LRBA: variants seen among roughly 807,000 people sequenced by gnomAD.
The protein encoded by LRBA is LPS responsive beige-like anchor protein, also known as lipopolysaccharide-responsive and beige-like anchor protein.
In LRBA, 176 loss-of-function variants were observed where a neutral mutation model predicts 330.0. The ratio of observed to expected loss-of-function variants is 0.53; its 90% confidence interval spans 0.47 to 0.60. The LOEUF (loss-of-function observed/expected upper bound fraction) is 0.60. LRBA is among the 20% of genes least tolerant of loss of function. The pLI, the probability that LRBA is intolerant of heterozygous loss-of-function variation, is 0.00. For synonymous variants in LRBA, 1,230 were observed against 1,193.0 expected (o/e 1.03, Z -0.64); for missense variants, 3,259 against 3,444.8 (o/e 0.95, Z 1.35).
chr4:150,302,911 T>C, intron 52 of LRBA, 119 bp from the exon 53 acceptor site: 1 of 667,656 alleles, frequency 1.5e-6, no homozygotes. Context: ...TCAGATTTTA[T>C]AATAATTTGA....
chr4:150,305,845 A>G (rs888683488), intron 52 of LRBA, among the ~76,000 whole-genome samples: 1 of 152,196 alleles, frequency 6.6e-6, no homozygotes, highest in African/African-American at 2.4e-5. Context: ...TGTTATTGCT[A>G]TAAGGTTGAG....
intron 44 of LRBA, among the ~76,000 whole-genome samples, chr4:150,444,725 A>G (rs1752367187): frequency 6.6e-6 from 1 of 152,224 alleles, no homozygotes; most frequent in Non-Finnish European, 1.5e-5. Context: ...TACAAGTGGC[A>G]TTAAATATAT....
At chr4:150,843,108 T>TTAGCTG (rs1401588714) in intron 28 of LRBA, among the ~76,000 whole-genome samples, 1 of 152,172 alleles carries the variant, frequency 6.6e-6, no homozygotes, top group Admixed American at 6.5e-5. Context: ...TTTGCTCACC[T>TTAGCTG]CACCTCCTGC....
At chr4:150,309,295 C>T (rs1730758481) in intron 52 of LRBA, among the ~76,000 whole-genome samples, 1 of 151,972 alleles carries the variant, frequency 6.6e-6, no homozygotes, top group African/African-American at 2.4e-5. Flanking sequence ...CAATAGGTGA[C>T]CCCATATAGC....
chr4:150,720,478 T>A (rs1345906855), intron 36 of LRBA, among the ~76,000 whole-genome samples: 1 of 151,876 alleles, frequency 6.6e-6, no homozygotes, highest in Non-Finnish European at 1.5e-5. Flanking sequence ...ATAGACATAA[T>A]AAATAAATTA....
intron 38 of LRBA, among the ~76,000 whole-genome samples, chr4:150,595,042 AAC>A (rs1252912732): frequency 2.6e-5 from 4 of 152,002 alleles, no homozygotes; most frequent in African/African-American, 9.6e-5. Flanking sequence ...CTATTAGAAT[AAC>A]AGAGTGCCTT....
intron 30 of LRBA, among the ~76,000 whole-genome samples, chr4:150,827,105 C>G (rs1384977131): frequency 6.6e-6 from 1 of 152,084 alleles, no homozygotes; most frequent in African/African-American, 2.4e-5. Flanking sequence ...GAAGGATCAA[C>G]AGAGGGAAAA....
At chr4:150,874,126 G>A (rs1753746207) in intron 17 of LRBA, among the ~76,000 whole-genome samples, 1 of 152,044 alleles carries the variant, frequency 6.6e-6, no homozygotes, top group Non-Finnish European at 1.5e-5. Flanking sequence ...CCCCAAAGAT[G>A]GCAGATTTGA....
chr4:150,268,061 A>C (rs1044922411), intron 56 of LRBA, among the ~76,000 whole-genome samples: 2 of 80,848 alleles, frequency 2.5e-5, no homozygotes, highest in African/African-American at 9.0e-5. Context: ...CTCCATCTCA[A>C]AAAAAAAAAA....
At chr4:150,741,284 T>C (rs1223201293) in intron 35 of LRBA, among the ~76,000 whole-genome samples, 1 of 152,118 alleles carries the variant, frequency 6.6e-6, no homozygotes, top group Non-Finnish European at 1.5e-5. Context: ...GGAACTGCTA[T>C]CTTAAATATA....
At chr4:150,977,563 G>C (rs571282423) in intron 2 of LRBA, among the ~76,000 whole-genome samples, 3 of 152,062 alleles carry the variant, frequency 2.0e-5, no homozygotes, top group Admixed American at 2.0e-4. Flanking sequence ...GAATCACCTC[G>C]GACACAGTGG....
At chr4:150,767,542 G>A (rs113084952) in intron 34 of LRBA, among the ~76,000 whole-genome samples, 3,835 of 152,008 alleles carry the variant, frequency 0.025, 133 homozygotes, top group African/African-American at 0.083. Flanking sequence ...GGCAGATCAC[G>A]AGGTCAGGAG....
At position 150,277,912 on chromosome 4, in the gene LRBA, G is replaced by C; in HGVS notation, c.8409C>G (p.Leu2803=). The change falls in exon 56 of 57, where the codon CTC becomes CTG. Residue 2803 remains leucine, a synonymous_variant. Transcript: ENST00000651943. ...CAGCGTCACATCCTGGATAGGCAAA[G>C]AGCTGCTTGAGGTCCGACACCTGCC... is the stretch of plus-strand genomic sequence containing the variant. The part of the protein sequence containing the change: ...VVRQVSDLKQ[L]FAYPGCDAGI... The C allele has an allele frequency of 1.2e-6, 2 of 1,614,136 alleles. No individual in the cohort carries two copies. The highest frequency in any genetic ancestry group is 1.7e-6 in the Non-Finnish European group (2 of 1,180,020).
intron 37 of LRBA, among the ~76,000 whole-genome samples, chr4:150,633,498 C>T (rs905027135): frequency 6.6e-6 from 1 of 152,114 alleles, no homozygotes; most frequent in African/African-American, 2.4e-5. Context: ...CAGTCAAAAC[C>T]AAATTAATGA....
intron 40 of LRBA, among the ~76,000 whole-genome samples, chr4:150,513,995 T>G (rs1172952672): frequency 2.0e-5 from 3 of 152,218 alleles, no homozygotes; most frequent in African/African-American, 4.8e-5. Context: ...CTATGTCTTC[T>G]GCCAACATCT....
chr4:150,876,555 T>C (rs1282405102), intron 17 of LRBA, among the ~76,000 whole-genome samples: 1 of 152,212 alleles, frequency 6.6e-6, no homozygotes, highest in Non-Finnish European at 1.5e-5. Context: ...TGAGGGCTTA[T>C]TTTCAGTATC....
intron 2 of LRBA, among the ~76,000 whole-genome samples, chr4:150,998,263 G>A (rs1742912009): frequency 6.7e-6 from 1 of 150,310 alleles, no homozygotes; most frequent in South Asian, 2.1e-4. Flanking sequence ...TGAGGCAGGA[G>A]AATCGTTTGA....
intron 22 of LRBA, among the ~76,000 whole-genome samples, chr4:150,860,029 A>G (rs895351241): frequency 6.6e-6 from 1 of 152,180 alleles, no homozygotes; most frequent in African/African-American, 2.4e-5. Context: ...GCTCTATTCT[A>G]AGCTTTATTA....
At chr4:150,850,515 C>T (rs190477900) in intron 24 of LRBA, among the ~76,000 whole-genome samples, 1 of 152,234 alleles carries the variant, frequency 6.6e-6, no homozygotes, top group Admixed American at 6.5e-5. Context: ...AAAGAGAAAC[C>T]TCTGCTTTTC....
Sources: allele counts gnomAD v4.1 joint callset (sites outside exome capture counted in the v4.1 genomes callset), GRCh38; gene constraint gnomAD v4.1.1; transcripts MANE v1.5; gene names NCBI Gene and HGNC (gene_info 2026-07-23, HGNC 2026-07-21).